The following MSI2 variants were observed in gnomAD, a reference collection of about 807,000 sequenced individuals.
MSI2 encodes the protein musashi RNA binding protein 2, also known as RNA-binding protein Musashi homolog 2.
MSI2 carries 17 observed loss-of-function variants against 45.6 expected under a neutral mutation model. That is an observed-to-expected ratio of 0.37 (90% confidence interval 0.26 to 0.56). The LOEUF (loss-of-function observed/expected upper bound fraction) is 0.56, where lower values mean the gene tolerates loss of function less well. Ranked by LOEUF, MSI2 falls within the 20% of genes least tolerant of loss-of-function variation. MSI2 has a pLI of 0.77. For missense variants in MSI2, 293 were observed against 444.2 expected (o/e 0.66, Z 3.06); for synonymous variants, 156 against 158.2 (o/e 0.99, Z 0.11).
At chr17:57,415,785 T>G (rs1276260009) in intron 6 of MSI2, among the ~76,000 whole-genome samples, 5 of 152,020 alleles carry the variant, frequency 3.3e-5, no homozygotes, top group Non-Finnish European at 7.4e-5. Context: ...TTTGGACCAG[T>G]TTCTTAGTTG....
At chr17:57,615,695 C>G (rs1907621153) in intron 8 of MSI2, among the ~76,000 whole-genome samples, 1 of 152,214 alleles carries the variant, frequency 6.6e-6, no homozygotes, top group South Asian at 2.1e-4. Flanking sequence ...CGAGCGTCAG[C>G]CTGAGCTTCA....
intron 11 of MSI2, among the ~76,000 whole-genome samples, chr17:57,670,449 A>G (rs564182414): frequency 1.4e-4 from 21 of 152,326 alleles, no homozygotes; most frequent in African/African-American, 4.8e-4. Flanking sequence ...GTGAGAGTCT[A>G]AGCCTGCAGC....
chr17:57,570,077 C>T (rs372245598), intron 7 of MSI2, among the ~76,000 whole-genome samples: 20 of 152,350 alleles, frequency 1.3e-4, no homozygotes, highest in East Asian at 5.8e-4. Context: ...GATGATTACA[C>T]ATCCATTAAA....
intron 6 of MSI2, among the ~76,000 whole-genome samples, chr17:57,433,078 G>C (rs945825517): frequency 2.6e-5 from 4 of 152,122 alleles, no homozygotes; most frequent in Non-Finnish European, 5.9e-5. Context: ...AGAGTGACAG[G>C]CACCATGATC....
At chr17:57,462,755 G>A (rs1023277423) in intron 6 of MSI2, among the ~76,000 whole-genome samples, 4 of 152,150 alleles carry the variant, frequency 2.6e-5, no homozygotes, top group Admixed American at 2.6e-4. Context: ...GGGAATGTTG[G>A]CCCCCAAAGC....
At chr17:57,663,512 T>C (rs893654888) in intron 11 of MSI2, among the ~76,000 whole-genome samples, 4 of 152,060 alleles carry the variant, frequency 2.6e-5, no homozygotes, top group African/African-American at 4.8e-5. Flanking sequence ...GCTTCTGACC[T>C]TGGGGAGAAG....
At chr17:57,275,924 C>T (rs898783084) in intron 5 of MSI2, among the ~76,000 whole-genome samples, 2 of 152,180 alleles carry the variant, frequency 1.3e-5, no homozygotes, top group African/African-American at 4.8e-5. Context: ...TCAGGACCCC[C>T]TCCCTCCTTC....
chr17:57,559,193 A>G (rs1187713763), intron 7 of MSI2, among the ~76,000 whole-genome samples: 3 of 152,244 alleles, frequency 2.0e-5, no homozygotes, highest in South Asian at 2.1e-4. Context: ...GCACAAAGTG[A>G]GATGGAACCC....
At chr17:57,584,333 C>G (rs1290609330) in intron 7 of MSI2, among the ~76,000 whole-genome samples, 1 of 152,184 alleles carries the variant, frequency 6.6e-6, no homozygotes, top group Non-Finnish European at 1.5e-5. Context: ...CAGACCCCAC[C>G]CCCTGGTGAA....
chr17:57,426,248 T>G (rs1391562014), intron 6 of MSI2, among the ~76,000 whole-genome samples: 4 of 152,262 alleles, frequency 2.6e-5, no homozygotes, highest in Non-Finnish European at 5.9e-5. Context: ...ATACCGGTTT[T>G]GTCCTAGACA....
intron 6 of MSI2, among the ~76,000 whole-genome samples, chr17:57,500,106 TAGG>T (rs2086070256): frequency 6.6e-6 from 1 of 152,132 alleles, no homozygotes; most frequent in African/African-American, 2.4e-5. Context: ...GTGGCCATCT[TAGG>T]AGAATACAGT....
At chr17:57,346,017 G>A (rs1020126081) in intron 5 of MSI2, among the ~76,000 whole-genome samples, 3 of 152,184 alleles carry the variant, frequency 2.0e-5, no homozygotes, top group African/African-American at 7.2e-5. Context: ...GACGGAGAAA[G>A]AGAAGGTGAA....
intron 6 of MSI2, among the ~76,000 whole-genome samples, chr17:57,428,707 A>C (rs1041690826): frequency 6.6e-6 from 1 of 152,216 alleles, no homozygotes; most frequent in Non-Finnish European, 1.5e-5. Flanking sequence ...GTCTCAAACC[A>C]AGGTCTTCTA....
chr17:57,593,301 C>G (rs1174414110), intron 7 of MSI2, among the ~76,000 whole-genome samples: 2 of 152,152 alleles, frequency 1.3e-5, no homozygotes, highest in African/African-American at 2.4e-5. Context: ...AACAAATTAC[C>G]ACAAACTTCG....
chr17:57,409,091 G>A (rs1369529006), intron 6 of MSI2, among the ~76,000 whole-genome samples: 1 of 152,104 alleles, frequency 6.6e-6, no homozygotes, highest in Non-Finnish European at 1.5e-5. Context: ...AAAGTGGGCT[G>A]CCAATCTGTA....
chr17:57,406,807 A>G (rs1374495021), intron 6 of MSI2: 6 of 152,210 alleles, frequency 3.9e-5, no homozygotes, highest in Admixed American at 3.9e-4. Flanking sequence ...TAGGCCTACA[A>G]GTCATTTCCA....
chr17:57,661,655 C>T (rs1372253553), intron 11 of MSI2, among the ~76,000 whole-genome samples: 1 of 152,170 alleles, frequency 6.6e-6, no homozygotes, highest in South Asian at 2.1e-4. Context: ...GAGGGCATTC[C>T]ATGGCAAATC....
chr17:57,304,836 A>G (rs994953372), intron 5 of MSI2, among the ~76,000 whole-genome samples: 2 of 152,016 alleles, frequency 1.3e-5, no homozygotes, highest in African/African-American at 4.8e-5. Context: ...AAACCTCTGG[A>G]CCCTCTCCTA....
chr17:57,446,398 G>T (rs1349054412), intron 6 of MSI2, among the ~76,000 whole-genome samples: 2 of 152,194 alleles, frequency 1.3e-5, no homozygotes, highest in Non-Finnish European at 1.5e-5. Context: ...TCGGAAGGAA[G>T]AATTCGCAGT....
Sources: allele counts gnomAD v4.1 joint callset (sites outside exome capture counted in the v4.1 genomes callset), GRCh38; gene constraint gnomAD v4.1.1; transcripts MANE v1.5; gene names NCBI Gene and HGNC (gene_info 2026-07-23, HGNC 2026-07-21).